The following DCBLD2 variants were observed in gnomAD, a reference collection of about 807,000 sequenced individuals.
The protein encoded by DCBLD2 is discoidin, CUB and LCCL domain-containing protein 2.
Under a neutral mutation model 86.8 loss-of-function variants are expected in DCBLD2, and 54 were observed. That is an observed-to-expected ratio of 0.62 (90% confidence interval 0.50 to 0.78). DCBLD2 has a LOEUF of 0.78. Ranked by LOEUF, DCBLD2 falls within the 30% of genes least tolerant of loss-of-function variation. The pLI is 0.00. For missense variants in DCBLD2, 908 were observed against 954.2 expected (o/e 0.95, Z 0.64); for synonymous variants, 354 against 341.3 (o/e 1.04, Z -0.41).
rs376006894 is a variant in DCBLD2, at chr3:98,805,911, G to C, written c.1670+2170C>G. 9.2e-5 allele frequency among the ~76,000 whole-genome samples: 14 copies of C among 152,288 alleles called. No homozygotes were observed. The South Asian group carries it at 1.5e-3, about 16-fold the overall frequency. On this transcript the variant is annotated intron_variant, in intron 13 of 15. Transcript: ENST00000326840. ...ATGTGTTCAGAGCAGCAGTGGGTAA[G>C]AGCACGATCTCTCAAGTCTGGTCCA... is the stretch of plus-strand genomic sequence containing the variant.
At chr3:98,818,443 T>C (rs1299472984) in intron 8 of DCBLD2, among the ~76,000 whole-genome samples, 1 of 152,094 alleles carries the variant, frequency 6.6e-6, no homozygotes, top group Non-Finnish European at 1.5e-5. Flanking sequence ...ACTGAAACAC[T>C]ACCTTAAAAA....
intron 1 of DCBLD2, among the ~76,000 whole-genome samples, chr3:98,888,285 A>T (rs917669666): frequency 6.6e-6 from 1 of 151,986 alleles, no homozygotes; most frequent in African/African-American, 2.4e-5. Flanking sequence ...GCTCAAACTC[A>T]TCTCTGCATG....
At chr3:98,870,739 AAGAAAG>A (rs1943253934) in intron 2 of DCBLD2, among the ~76,000 whole-genome samples, 1 of 49,316 alleles carries the variant, frequency 2.0e-5, no homozygotes, top group African/African-American at 7.8e-5. Context: ...AAGAAAGAAA[AAGAAAG>A]AAAGAAAGAA....
chr3:98,803,928 G>T (rs1302292894), intron 13 of DCBLD2, among the ~76,000 whole-genome samples: 1 of 152,204 alleles, frequency 6.6e-6, no homozygotes, highest in African/African-American at 2.4e-5. Context: ...TTTTTGACGT[G>T]CTGCTGGATT....
chr3:98,828,779 T>C (rs1017600657), intron 3 of DCBLD2, among the ~76,000 whole-genome samples: 5 of 146,942 alleles, frequency 3.4e-5, no homozygotes, highest in African/African-American at 1.1e-4. Flanking sequence ...GATGAATGGA[T>C]AGATAAACAA....
intron 1 of DCBLD2, among the ~76,000 whole-genome samples, chr3:98,884,728 A>G (rs529420531): frequency 7.2e-4 from 110 of 152,252 alleles, no homozygotes; most frequent in African/African-American, 2.4e-3. Flanking sequence ...ATATAAATGC[A>G]CGTTCTTTAG....
intron 13 of DCBLD2, chr3:98,804,899 G>A (rs1941800889): frequency 1.3e-5 from 2 of 152,238 alleles, no homozygotes; most frequent in African/African-American, 4.8e-5. Flanking sequence ...TTGAACTGTG[G>A]TCTGAGAGAC....
Position 98,798,245 on chromosome 3 carries a change from T to C in DCBLD2, c.*1127A>G, listed in dbSNP as rs1457082639. The C allele has an allele frequency of 6.6e-6, 1 of 152,236 alleles. No individual in the cohort carries two copies. The highest frequency in any genetic ancestry group is 6.5e-5 in the Admixed American group (1 of 15,280). The allele number at this position is 152,236 out of a possible 1,614,324, so 9.4% of individuals were successfully genotyped here. On this transcript the variant is annotated 3_prime_UTR_variant, in exon 16 of 16. Transcript: ENST00000326840. ...AAAAATACACGTTAGGTTTATATTT[T>C]GTGTAACAGTTTATGGAAAACTGAA...
intron 6 of DCBLD2, among the ~76,000 whole-genome samples, chr3:98,821,432 A>G (rs546335702): frequency 1.3e-3 from 196 of 152,364 alleles, no homozygotes; most frequent in African/African-American, 4.5e-3. Context: ...TATAGTTACC[A>G]TGAAAATACA....
At chr3:98,884,329 T>G (rs1439274135) in intron 1 of DCBLD2, among the ~76,000 whole-genome samples, 3 of 151,722 alleles carry the variant, frequency 2.0e-5, no homozygotes, top group Non-Finnish European at 2.9e-5. Context: ...GGGCAGAATG[T>G]AATAAACGTG....
intron 2 of DCBLD2, among the ~76,000 whole-genome samples, chr3:98,862,102 C>T (rs959265689): frequency 1.8e-4 from 27 of 152,050 alleles, no homozygotes; most frequent in Non-Finnish European, 3.7e-4. Flanking sequence ...CACCTCTACG[C>T]AAATAAACAA....
At chr3:98,876,521 A>G (rs1454169465) in intron 2 of DCBLD2, among the ~76,000 whole-genome samples, 1 of 151,576 alleles carries the variant, frequency 6.6e-6, no homozygotes, top group African/African-American at 2.4e-5. Context: ...ACTGAGCACT[A>G]TTTATCATTA....
chr3:98,859,584 C>T (rs533235665), intron 2 of DCBLD2, among the ~76,000 whole-genome samples: 4 of 152,356 alleles, frequency 2.6e-5, no homozygotes, highest in Admixed American at 2.0e-4. Flanking sequence ...CACTGTTCTG[C>T]AGCCTCCACT....
chr3:98,884,763 T>TAAA (rs1462510066), intron 1 of DCBLD2, among the ~76,000 whole-genome samples: 2 of 152,184 alleles, frequency 1.3e-5, no homozygotes, highest in Non-Finnish European at 2.9e-5. Flanking sequence ...AGGCAGCTTT[T>TAAA]AAGGTGATTG....
chr3:98,885,245 GT>G (rs1438826416), intron 1 of DCBLD2, among the ~76,000 whole-genome samples: 1 of 152,026 alleles, frequency 6.6e-6, no homozygotes, highest in African/African-American at 2.4e-5. Context: ...AGAAACTAAA[GT>G]TAACAACAGG....
In DCBLD2 at chr3:98,799,642, T is replaced by G; in HGVS notation, c.2058A>C (p.Ser686=). 6.2e-7 allele frequency: 1 copy of G among 1,613,982 alleles called. No individual in the cohort carries two copies. Among genetic ancestry groups the G allele is most frequent in the African/African-American group, 1.3e-5 (1 of 75,042 alleles). ...EYATPIIMDM[S]GHPTTSVGQP... ...GACCAACTGAAGTTGTGGGGTGCCC[T>G]GACATGTCCATGATGATTGGGGTTG... The change falls in exon 16 of 16, where the codon TCA becomes TCC. Residue 686 remains serine (S), a synonymous_variant. Coordinates refer to ENST00000326840, the MANE Select transcript of DCBLD2 (RefSeq NM_080927.4).
intron 3 of DCBLD2, among the ~76,000 whole-genome samples, chr3:98,832,361 G>A (rs915643391): frequency 6.6e-5 from 10 of 152,152 alleles, no homozygotes; most frequent in East Asian, 3.8e-4. Flanking sequence ...TGAAGACGGC[G>A]TATCATTGGG....
intron 2 of DCBLD2, among the ~76,000 whole-genome samples, chr3:98,872,997 A>G (rs1943305857): frequency 1.3e-5 from 2 of 152,154 alleles, no homozygotes; most frequent in African/African-American, 4.8e-5. Flanking sequence ...CAGAAAGGCT[A>G]AAAATAAAGT....
At chr3:98,828,174 C>T (rs1353029990) in intron 3 of DCBLD2, among the ~76,000 whole-genome samples, 1 of 151,990 alleles carries the variant, frequency 6.6e-6, no homozygotes, top group Non-Finnish European at 1.5e-5. Context: ...AGATAAAACA[C>T]CAAAAGCACA....
Sources: gnomAD v4.1 joint callset for allele counts (sites outside exome capture counted in the v4.1 genomes callset) on GRCh38, gnomAD v4.1.1 for gene constraint, MANE v1.5 for transcripts, NCBI Gene and HGNC (gene_info 2026-07-23, HGNC 2026-07-21) for gene names.